PLXDC2: variants seen among roughly 807,000 people sequenced by gnomAD.
PLXDC2 encodes the protein plexin domain-containing protein 2.
Under a neutral mutation model 68.9 loss-of-function variants are expected in PLXDC2, and 40 were observed. The observed-to-expected ratio is 0.58, with a 90% confidence interval of 0.45 to 0.76. PLXDC2 has a LOEUF of 0.76. PLXDC2 is among the 30% of genes least tolerant of loss of function. The pLI, the probability that PLXDC2 is intolerant of heterozygous loss-of-function variation, is 0.00. For synonymous variants in PLXDC2, 243 were observed against 234.2 expected (o/e 1.04, Z -0.34); for missense variants, 644 against 661.9 (o/e 0.97, Z 0.30).
At chr10:20,107,065 G>GTATATATATACACTATATA (rs1368249673) in intron 4 of PLXDC2, among the ~76,000 whole-genome samples, 117 of 147,640 alleles carry the variant, frequency 7.9e-4, no homozygotes, top group Non-Finnish European at 1.4e-3. Flanking sequence ...TACACTATAT[G>GTATATATATACACTATATA]CTATATATAT....
rs1169338187 is a variant in PLXDC2, at chr10:19,970,285, C to A, written c.113-31490C>A. Among the ~76,000 whole-genome samples, 2 of 152,182 alleles carry A rather than the reference C, an allele frequency of 1.3e-5. 1 individual carries two copies. Among genetic ancestry groups the A allele is most frequent in the African/African-American group, 4.8e-5 (2 of 41,458 alleles). On this transcript the variant is annotated intron_variant, in intron 1 of 13. Coordinates refer to ENST00000377252, the MANE Select transcript of PLXDC2 (RefSeq NM_032812.9). Reference sequence around the variant, plus strand: ...AAAACTTTCTGGTCATCATGGCCTTCGTACTTTGTATGCATCAACTGCCTC... The same window carrying A: ...AAAACTTTCTGGTCATCATGGCCTTAGTACTTTGTATGCATCAACTGCCTC...
intron 4 of PLXDC2, among the ~76,000 whole-genome samples, chr10:20,077,998 C>A (rs1836480644): frequency 6.6e-6 from 1 of 152,022 alleles, no homozygotes; most frequent in Non-Finnish European, 1.5e-5. Flanking sequence ...CTAGTTTCTT[C>A]CAAAATGCCT....
intron 9 of PLXDC2, among the ~76,000 whole-genome samples, chr10:20,184,059 G>T (rs1834645812): frequency 6.6e-6 from 1 of 151,674 alleles, no homozygotes. Flanking sequence ...CTTATTAATG[G>T]TAAAGATATG....
At chr10:20,251,738 T>C (rs1835678335) in intron 13 of PLXDC2, among the ~76,000 whole-genome samples, 1 of 152,250 alleles carries the variant, frequency 6.6e-6, no homozygotes, top group Admixed American at 6.5e-5. Flanking sequence ...CGAAATAGTT[T>C]AGACTAGCCA....
At chr10:20,149,660 G>C (rs11011829) in intron 6 of PLXDC2, among the ~76,000 whole-genome samples, 44,471 of 152,022 alleles carry the variant, frequency 0.29, 7,381 homozygotes, top group East Asian at 0.52. Context: ...TTATAAGTGA[G>C]AACATTTGGT....
intron 1 of PLXDC2, among the ~76,000 whole-genome samples, chr10:19,856,412 A>T (rs1040699992): frequency 3.1e-4 from 45 of 145,992 alleles, no homozygotes; most frequent in African/African-American, 1.0e-3. Flanking sequence ...ACACACACAC[A>T]CTCACACAAT....
intron 1 of PLXDC2, among the ~76,000 whole-genome samples, chr10:19,819,996 G>A (rs1352151550): frequency 6.6e-6 from 1 of 152,132 alleles, no homozygotes; most frequent in African/African-American, 2.4e-5. Context: ...AATGACTTGA[G>A]GCTACCTGCA....
chr10:20,013,880 T>C (rs1835158217), intron 2 of PLXDC2, among the ~76,000 whole-genome samples: 1 of 152,174 alleles, frequency 6.6e-6, no homozygotes, highest in Non-Finnish European at 1.5e-5. Context: ...TTAATCTTCA[T>C]CAGAATAGAA....
intron 13 of PLXDC2, among the ~76,000 whole-genome samples, chr10:20,268,215 C>G (rs1835895135): frequency 6.6e-6 from 1 of 151,842 alleles, no homozygotes; most frequent in African/African-American, 2.4e-5. Context: ...TTATTTCAAC[C>G]TCTGAATTGA....
At chr10:20,266,330 C>A (rs1025723683) in intron 13 of PLXDC2, among the ~76,000 whole-genome samples, 1 of 149,256 alleles carries the variant, frequency 6.7e-6, no homozygotes. Flanking sequence ...TTTATAGTGA[C>A]TAACCCAAAT....
intron 1 of PLXDC2, among the ~76,000 whole-genome samples, chr10:19,884,929 C>A (rs1213542829): frequency 6.6e-6 from 1 of 152,234 alleles, no homozygotes; most frequent in Non-Finnish European, 1.5e-5. Flanking sequence ...AGTCGCCACA[C>A]TGACTTCCAC....
At chr10:20,212,667 T>C (rs1024556807) in intron 10 of PLXDC2, among the ~76,000 whole-genome samples, 1 of 152,148 alleles carries the variant, frequency 6.6e-6, no homozygotes, top group Non-Finnish European at 1.5e-5. Context: ...TAAAAATTCA[T>C]TTTTGGGGGG....
At chr10:19,864,843 T>C (rs1397051826) in intron 1 of PLXDC2, among the ~76,000 whole-genome samples, 1 of 152,094 alleles carries the variant, frequency 6.6e-6, no homozygotes, top group African/African-American at 2.4e-5. Context: ...GTAGTTGGAA[T>C]TGAGAGACAC....
intron 9 of PLXDC2, among the ~76,000 whole-genome samples, chr10:20,207,957 G>T (rs865912197): frequency 6.6e-6 from 1 of 151,964 alleles, no homozygotes; most frequent in Non-Finnish European, 1.5e-5. Flanking sequence ...ATAATCTCTG[G>T]CAAGGGTTCT....
intron 13 of PLXDC2, among the ~76,000 whole-genome samples, chr10:20,271,311 TG>T (rs1835938030): frequency 6.6e-6 from 1 of 152,116 alleles, no homozygotes; most frequent in Admixed American, 6.6e-5. Flanking sequence ...CCTTAGAGAA[TG>T]CAGTTTTAAA....
intron 1 of PLXDC2, among the ~76,000 whole-genome samples, chr10:19,934,886 T>A (rs571015756): frequency 1.1e-4 from 16 of 150,090 alleles, no homozygotes; most frequent in African/African-American, 3.7e-4. Flanking sequence ...ACCCTTTCAC[T>A]GGCTTTTTAG....
chr10:19,965,718 TGG>T (rs35811823), intron 1 of PLXDC2, among the ~76,000 whole-genome samples: 24 of 135,482 alleles, frequency 1.8e-4, no homozygotes, highest in East Asian at 7.6e-4. Flanking sequence ...CAGTTTTTTT[TGG>T]GGGGGGGGGT....
chr10:19,931,318 G>A (rs1365488385), intron 1 of PLXDC2, among the ~76,000 whole-genome samples: 1 of 152,206 alleles, frequency 6.6e-6, no homozygotes, highest in African/African-American at 2.4e-5. Flanking sequence ...TGAATGCTGT[G>A]TGGAGGCGCT....
intron 6 of PLXDC2, among the ~76,000 whole-genome samples, chr10:20,158,131 A>G (rs894027304): frequency 6.6e-6 from 1 of 152,076 alleles, no homozygotes; most frequent in Non-Finnish European, 1.5e-5. Context: ...CACCCCCAGG[A>G]TCTCGTGATG....
Sources: allele counts gnomAD v4.1 joint callset (sites outside exome capture counted in the v4.1 genomes callset), GRCh38; gene constraint gnomAD v4.1.1; transcripts MANE v1.5; gene names NCBI Gene and HGNC (gene_info 2026-07-23, HGNC 2026-07-21).